The following CPA6 variants were observed in gnomAD, a reference collection of about 807,000 sequenced individuals.
CPA6 encodes the protein carboxypeptidase B.
A neutral mutation model predicts 63.3 loss-of-function variants in CPA6; 58 were observed. That is an observed-to-expected ratio of 0.92 (90% CI 0.74 to 1.14). The LOEUF (loss-of-function observed/expected upper bound fraction) is 1.14, where lower values mean the gene tolerates loss of function less well. Ranked by LOEUF, CPA6 falls within the 50% of genes most tolerant of loss-of-function variation. The pLI is 0.00. For missense variants in CPA6, 565 were observed against 526.6 expected (o/e 1.07, Z -0.71); for synonymous variants, 185 against 179.0 (o/e 1.03, Z -0.27).
chr8:67,472,942 A>C (rs904697130), intron 8 of CPA6, among the ~76,000 whole-genome samples: 9 of 152,236 alleles, frequency 5.9e-5, no homozygotes, highest in African/African-American at 2.2e-4. Flanking sequence ...CATTATTTAT[A>C]ATCTGTTGTT....
intron 1 of CPA6, among the ~76,000 whole-genome samples, chr8:67,679,971 G>A (rs1462484099): frequency 6.6e-6 from 1 of 152,172 alleles, no homozygotes; most frequent in African/African-American, 2.4e-5. Flanking sequence ...GGTAGCCATG[G>A]AGGATGAGGC....
At chr8:67,575,015 T>C (rs189825594) in intron 2 of CPA6, among the ~76,000 whole-genome samples, 3 of 152,242 alleles carry the variant, frequency 2.0e-5, no homozygotes, top group East Asian at 1.9e-4. Flanking sequence ...ATTTAAAATA[T>C]GTAAGGACCT....
At chr8:67,516,529 C>T (rs562141090) in intron 3 of CPA6, among the ~76,000 whole-genome samples, 20 of 152,318 alleles carry the variant, frequency 1.3e-4, no homozygotes, top group Admixed American at 1.2e-3. Flanking sequence ...TTCTCATTCT[C>T]TGCTTCGCTA....
At chr8:67,460,887 G>A (rs963169035) in intron 8 of CPA6, among the ~76,000 whole-genome samples, 5 of 152,038 alleles carry the variant, frequency 3.3e-5, no homozygotes, top group African/African-American at 7.2e-5. Context: ...AGAGAAGATG[G>A]GAGAGGCCAC....
Position 67,496,552 on chromosome 8 carries a change from TA to T in CPA6, c.636+10234del, listed in dbSNP as rs1563976189. ...ATATATATATATATATATATATATA[TA>T]TATATTTATTTTATTTTTTTTTTTT... On this transcript the variant is annotated intron_variant, in intron 6 of 10. Coordinates refer to ENST00000297770, the MANE Select transcript of CPA6 (RefSeq NM_020361.5). Among the ~76,000 whole-genome samples the T allele has an allele frequency of 6.5e-4, 90 of 137,770 alleles. 1 individual carries two copies. Among genetic ancestry groups the T allele is most frequent in the Admixed American group, 3.6e-3 (49 of 13,738 alleles). The allele number at this position is 137,770 out of a possible 152,430, so 90.4% of individuals were successfully genotyped here. A position where few individuals can be genotyped will look rare whatever the true frequency, so the allele number is the denominator to read the frequency against.
intron 1 of CPA6, among the ~76,000 whole-genome samples, chr8:67,650,699 C>G (rs7837223): frequency 0.28 from 42,147 of 151,976 alleles, 5,988 homozygotes; most frequent in African/African-American, 0.34. Context: ...GCGGCTTCAT[C>G]ATGAGGAAAG....
intron 2 of CPA6, among the ~76,000 whole-genome samples, chr8:67,592,473 TC>T (rs1814157963): frequency 6.6e-6 from 1 of 152,028 alleles, no homozygotes; most frequent in South Asian, 2.1e-4. Flanking sequence ...TACCAGTTCC[TC>T]CTTGTACCTC....
At chr8:67,613,049 T>C (rs757094348) in intron 2 of CPA6, among the ~76,000 whole-genome samples, 1 of 152,218 alleles carries the variant, frequency 6.6e-6, no homozygotes, top group Admixed American at 6.5e-5. Context: ...AATGGAAGAC[T>C]GCAGATCTCA....
chr8:67,713,748 G>A (rs1338900646), intron 1 of CPA6, among the ~76,000 whole-genome samples: 1 of 152,098 alleles, frequency 6.6e-6, no homozygotes, highest in Non-Finnish European at 1.5e-5. Context: ...GCCTCCAAAT[G>A]GCCTCATTTA....
intron 2 of CPA6, among the ~76,000 whole-genome samples, chr8:67,532,554 T>C (rs1812499986): frequency 6.6e-6 from 1 of 151,728 alleles, no homozygotes; most frequent in South Asian, 2.1e-4. Context: ...TGGTGGCGAG[T>C]ATCTGTAGAC....
chr8:67,588,848 T>C (rs1484246178), intron 2 of CPA6, among the ~76,000 whole-genome samples: 1 of 152,066 alleles, frequency 6.6e-6, no homozygotes, highest in Non-Finnish European at 1.5e-5. Flanking sequence ...ACATTAAAGA[T>C]TGATGTTGGG....
At position 67,484,857 on chromosome 8, in the gene CPA6, T is replaced by G. The variant is rs115181703; in HGVS notation, c.637-68A>C. The G allele has an allele frequency of 8.2e-3, 6,635 of 813,886 alleles. 319 individuals carry two copies. The African/African-American group carries it at 0.1, about 12-fold the overall frequency. The allele number at this position is 813,886 out of a possible 1,614,324, so 50.4% of individuals were successfully genotyped here. A position where few individuals can be genotyped will look rare whatever the true frequency, so the allele number is the denominator to read the frequency against. On this transcript the variant is annotated intron_variant, in intron 6 of 10. Coordinates refer to ENST00000297770, the MANE Select transcript of CPA6 (RefSeq NM_020361.5). ...AAAGAGGAAAAAAGAGTGTGAGATA[T>G]CCTTTCTATCCATGAGAACTACCAA...
chr8:67,690,941 T>C (rs1816802047), intron 1 of CPA6, among the ~76,000 whole-genome samples: 1 of 152,222 alleles, frequency 6.6e-6, no homozygotes, highest in African/African-American at 2.4e-5. Context: ...CTAAGTTTAA[T>C]GTACAAATCA....
chr8:67,531,848 G>A (rs1007578832), intron 2 of CPA6, among the ~76,000 whole-genome samples: 2 of 152,112 alleles, frequency 1.3e-5, no homozygotes, highest in African/African-American at 4.8e-5. Context: ...TCAGAGAATT[G>A]ATGTCAAATG....
chr8:67,497,146 T>C (rs959385389), intron 6 of CPA6, among the ~76,000 whole-genome samples: 1 of 152,218 alleles, frequency 6.6e-6, no homozygotes, highest in Non-Finnish European at 1.5e-5. Context: ...CATTTTACAG[T>C]GTACAATTCA....
At position 67,422,615 on chromosome 8, in the gene CPA6, G is replaced by A. The variant is rs1809790094; in HGVS notation, c.1203C>T (p.Asp401=). The A allele has an allele frequency of 6.2e-7, 1 of 1,613,902 alleles. No homozygotes were observed. The highest frequency in any genetic ancestry group is 8.5e-7 in the Non-Finnish European group (1 of 1,179,924). Residue 401 remains aspartate (D), a synonymous_variant, in exon 11 of 11, where the codon GAC becomes GAT. Coordinates refer to ENST00000297770, the MANE Select transcript of CPA6 (RefSeq NM_020361.5). ...GGAGTAAAAATCCAAAATATCCAGTGTCACGTAGTTCGAAAGCAAATGCAT... is the reference window on the plus strand; with the variant it reads ...GGAGTAAAAATCCAAAATATCCAGTATCACGTAGTTCGAAAGCAAATGCAT... The part of the protein sequence containing the change: ...IPYAFAFELR[D]TGYFGFLLPE...
intron 8 of CPA6, among the ~76,000 whole-genome samples, chr8:67,477,289 C>CAAAAAA (rs10570927): frequency 3.0e-5 from 2 of 66,488 alleles, no homozygotes; most frequent in African/African-American, 1.1e-4. Context: ...GACTCCATCT[C>CAAAAAA]AAAAAAAAAA....
chr8:67,733,003 C>T (rs1355059029), intron 1 of CPA6, among the ~76,000 whole-genome samples: 2 of 151,462 alleles, frequency 1.3e-5, no homozygotes, highest in Non-Finnish European at 2.9e-5. Flanking sequence ...GAGACGATCC[C>T]GGCTAACACG....
At chr8:67,634,802 A>G (rs539850001) in intron 1 of CPA6, among the ~76,000 whole-genome samples, 3 of 151,726 alleles carry the variant, frequency 2.0e-5, no homozygotes, top group Non-Finnish European at 2.9e-5. Context: ...TATAGTCACA[A>G]TCCCTGTGAG....
Sources: allele counts gnomAD v4.1 joint callset (sites outside exome capture counted in the v4.1 genomes callset), GRCh38; gene constraint gnomAD v4.1.1; transcripts MANE v1.5; gene names NCBI Gene and HGNC (gene_info 2026-07-23, HGNC 2026-07-21).